Variants in NFIB observed in about 807,000 individuals in gnomAD.
NFIB encodes nuclear factor I B.
Under a neutral mutation model 61.5 loss-of-function variants are expected in NFIB, and 11 were observed. The ratio of observed to expected loss-of-function variants is 0.18; its 90% CI spans 0.11 to 0.30. The LOEUF is 0.30. Among genes scored for constraint, NFIB ranks in the 10% least tolerant of loss-of-function variants. The probability of loss-of-function intolerance (pLI) is 1.00; values close to 1 mark genes in which losing one functional copy is unlikely to be tolerated. For synonymous variants in NFIB, 260 were observed against 216.5 expected, an observed-to-expected ratio of 1.20 and a Z score of -1.76; for missense variants, 471 against 608.9, an observed-to-expected ratio of 0.77 and a Z score of 2.38.
intron 10 of NFIB, among the ~76,000 whole-genome samples, chr9:14,092,864 G>T (rs1000552093): frequency 2.0e-5 from 3 of 151,860 alleles, no homozygotes; most frequent in Non-Finnish European, 4.4e-5. Context: ...GTCTTATCCT[G>T]GATAAACTGG....
chr9:14,416,680 G>A, the NFIB span, among the ~76,000 whole-genome samples: 2 of 151,880 alleles, frequency 1.3e-5, no homozygotes, highest in Non-Finnish European at 2.9e-5. Context: ...TTACAAGTAA[G>A]CTAAGACTAA....
the NFIB span, among the ~76,000 whole-genome samples, chr9:14,483,487 T>C: frequency 2.0e-5 from 3 of 152,174 alleles, no homozygotes; most frequent in Non-Finnish European, 4.4e-5. Flanking sequence ...GAGGCATCAA[T>C]ATTGGTCAAG....
At chr9:14,403,402 C>A (rs184257361), upstream of NFIB, among the ~76,000 whole-genome samples, 1 of 152,312 alleles carries the variant, frequency 6.6e-6, no homozygotes, top group East Asian at 1.9e-4. Context: ...ATACCCCTTT[C>A]CCAGAAATTT....
In NFIB at chr9:14,313,765, C is replaced by T; in HGVS notation, c.-254G>A. 1 of 1,344,598 alleles carries T rather than the reference C, an allele frequency of 7.4e-7. No homozygotes were observed. The highest frequency in any genetic ancestry group is 9.5e-7 in the Non-Finnish European group (1 of 1,048,252). The allele number at this position is 1,344,598 out of a possible 1,614,324, so 83.3% of individuals were successfully genotyped here. A position where few individuals can be genotyped will look rare whatever the true frequency, so the allele number is the denominator to read the frequency against. On this transcript the variant is annotated 5_prime_UTR_variant, in exon 1 of 11. Coordinates refer to ENST00000380953, the MANE Select transcript of NFIB (RefSeq NM_001190737.2). The surrounding 1 kb of genome is among the most constrained non-coding windows in gnomAD (Gnocchi z 4.5). ...TTTTAACCCTCTTGCAGTCCGAGCG[C>T]GCTGGCCGTGCTTGCCGAGGCCGCC...
At chr9:14,352,553 G>A (rs2061126093) in intron 1 of NFIB, among the ~76,000 whole-genome samples, 1 of 152,196 alleles carries the variant, frequency 6.6e-6, no homozygotes, top group East Asian at 1.9e-4. Flanking sequence ...GTAATCTGAT[G>A]ATCTTCTATG....
chr9:14,092,096 C>A (rs1431473156), intron 10 of NFIB, among the ~76,000 whole-genome samples: 2 of 152,092 alleles, frequency 1.3e-5, no homozygotes, highest in African/African-American at 4.8e-5. Flanking sequence ...GGTAAGACTA[C>A]CTCTGAAGTA....
intron 2 of NFIB, among the ~76,000 whole-genome samples, chr9:14,194,626 C>A (rs372673117): frequency 6.6e-6 from 1 of 151,992 alleles, no homozygotes; most frequent in Non-Finnish European, 1.5e-5. Context: ...TATGTATATG[C>A]TATGATTTAA....
intron 2 of NFIB, among the ~76,000 whole-genome samples, chr9:14,244,110 G>A (rs2054633510): frequency 6.6e-6 from 1 of 152,256 alleles, no homozygotes; most frequent in South Asian, 2.1e-4. Flanking sequence ...TAGCAATTAT[G>A]AGCAAATATT....
At chr9:14,285,282 C>G (rs1000835807) in intron 2 of NFIB, among the ~76,000 whole-genome samples, 2 of 152,118 alleles carry the variant, frequency 1.3e-5, no homozygotes, top group African/African-American at 4.8e-5. Flanking sequence ...ACCACCACAC[C>G]TGGCTAATTT....
At chr9:14,480,293 C>T in the NFIB span, among the ~76,000 whole-genome samples, 1 of 152,082 alleles carries the variant, frequency 6.6e-6, no homozygotes, top group South Asian at 2.1e-4. Flanking sequence ...CTTCTTGACT[C>T]CTAGGCCTGA....
chr9:14,264,047 G>A (rs1563956796), intron 2 of NFIB, among the ~76,000 whole-genome samples: 1 of 152,050 alleles, frequency 6.6e-6, no homozygotes, highest in Non-Finnish European at 1.5e-5. Context: ...GTTTTGTTTT[G>A]ATTTATTTTA....
intron 2 of NFIB, among the ~76,000 whole-genome samples, chr9:14,208,852 C>G (rs1563903205): frequency 2.0e-5 from 3 of 152,134 alleles, no homozygotes. Context: ...CCCACTGATT[C>G]ACTCAGTCTT....
At chr9:14,511,376 T>C in the NFIB span, among the ~76,000 whole-genome samples, 1 of 152,112 alleles carries the variant, frequency 6.6e-6, no homozygotes, top group African/African-American at 2.4e-5. Context: ...AAATTTTTCA[T>C]TTCCCTATCA....
At chr9:14,306,851 C>T (rs1281598801) in intron 2 of NFIB, 138 bp downstream of exon 2, 7 of 1,006,076 alleles carry the variant, frequency 7.0e-6, no homozygotes, top group African/African-American at 4.8e-5. Flanking sequence ...TGAGTGAAAG[C>T]GGACACCCTA....
intron 2 of NFIB, among the ~76,000 whole-genome samples, chr9:14,187,951 C>A (rs529172133): frequency 3.9e-5 from 6 of 152,280 alleles, no homozygotes; most frequent in Non-Finnish European, 8.8e-5. Flanking sequence ...AACCCACCCC[C>A]CACAACAATG....
the NFIB span, among the ~76,000 whole-genome samples, chr9:14,481,551 C>T: frequency 5.3e-5 from 8 of 151,980 alleles, no homozygotes; most frequent in African/African-American, 1.7e-4. Flanking sequence ...CGGCCTTTCT[C>T]TTTAGTCCTA....
Position 14,313,794 on chromosome 9 carries a change from G to A in NFIB, c.-283C>T, listed in dbSNP as rs930729015. 1.8e-5 allele frequency: 24 copies of A among 1,335,312 alleles called. No homozygotes were observed. In the African/African-American group the frequency reaches 3.4e-4, roughly 19 times the overall value. 82.7% of individuals were successfully genotyped at this position (1,335,312 alleles called of 1,614,324 possible). On this transcript the variant is annotated 5_prime_UTR_variant, in exon 1 of 11. Coordinates refer to ENST00000380953, the MANE Select transcript of NFIB (RefSeq NM_001190737.2). This position sits in a 1 kb window ranked among gnomAD's most constrained non-coding sequence, Gnocchi z 4.5. ...GGCCGTGCTTGCCGAGGCCGCCGCC[G>A]CCGCCGGTGTTGGCTGCTTTTCGCC... is the stretch of plus-strand genomic sequence containing the variant.
At chr9:14,235,016 A>T (rs1294387726) in intron 2 of NFIB, among the ~76,000 whole-genome samples, 1 of 152,162 alleles carries the variant, frequency 6.6e-6, no homozygotes, top group Non-Finnish European at 1.5e-5. Flanking sequence ...TTGCAGTTCA[A>T]ATGTGGCAAT....
the NFIB span, among the ~76,000 whole-genome samples, chr9:14,465,339 A>C: frequency 6.6e-6 from 1 of 152,174 alleles, no homozygotes; most frequent in African/African-American, 2.4e-5. Flanking sequence ...GGAAGAAAAC[A>C]AACAGAAAGA....
Sources: allele counts gnomAD v4.1 joint callset (sites outside exome capture counted in the v4.1 genomes callset), GRCh38; gene constraint gnomAD v4.1.1; non-coding constraint Gnocchi (gnomAD v3.1); transcripts MANE v1.5; gene names NCBI Gene and HGNC (gene_info 2026-07-23, HGNC 2026-07-21).